The following LHFPL3 variants were observed in gnomAD, a reference collection of about 807,000 sequenced individuals.
The protein encoded by LHFPL3 is LHFPL tetraspan subfamily member 3 protein.
Under a neutral mutation model 19.3 loss-of-function variants are expected in LHFPL3, and 5 were observed. The ratio of observed to expected loss-of-function variants is 0.26; its 90% CI spans 0.14 to 0.54. LHFPL3 has a LOEUF of 0.54. LHFPL3 is among the 20% of genes least tolerant of loss of function. The probability of loss-of-function intolerance (pLI) is 0.94; values close to 1 mark genes in which losing one functional copy is unlikely to be tolerated. For synonymous variants in LHFPL3, 133 were observed against 126.2 expected, an observed-to-expected ratio of 1.05 and a Z score of -0.36; for missense variants, 249 against 307.4, an observed-to-expected ratio of 0.81 and a Z score of 1.42.
intron 1 of LHFPL3, among the ~76,000 whole-genome samples, chr7:104,482,511 A>G (rs1014352130): frequency 1.3e-5 from 2 of 152,142 alleles, no homozygotes; most frequent in South Asian, 2.1e-4. Context: ...GCTCTTCTTT[A>G]TGTTGAATCT....
At chr7:104,545,397 A>G (rs1423744381) in intron 1 of LHFPL3, among the ~76,000 whole-genome samples, 2 of 151,912 alleles carry the variant, frequency 1.3e-5, no homozygotes, top group African/African-American at 2.4e-5. Context: ...AGGTTCCTGC[A>G]CTCGTCTAGT....
chr7:104,774,273 G>A (rs1286732243), intron 2 of LHFPL3, among the ~76,000 whole-genome samples: 5 of 152,218 alleles, frequency 3.3e-5, no homozygotes, highest in African/African-American at 9.6e-5. Flanking sequence ...TATTCATAAT[G>A]ATAGCTAAAT....
intron 1 of LHFPL3, among the ~76,000 whole-genome samples, chr7:104,660,065 G>C (rs1584465985): frequency 6.7e-6 from 1 of 149,918 alleles, no homozygotes; most frequent in African/African-American, 2.5e-5. Context: ...ATAGTGGTGT[G>C]ATCTTGGCTC....
At chr7:104,352,177 AT>A (rs201233848) in intron 1 of LHFPL3, among the ~76,000 whole-genome samples, 8,872 of 151,614 alleles carry the variant, frequency 0.059, 330 homozygotes, top group Middle Eastern at 0.089. Context: ...AAAAAAAAAA[AT>A]CTCATACAAC....
At chr7:104,816,579 G>T (rs1790563499) in intron 2 of LHFPL3, among the ~76,000 whole-genome samples, 1 of 152,196 alleles carries the variant, frequency 6.6e-6, no homozygotes, top group South Asian at 2.1e-4. Flanking sequence ...ACTATCAGCA[G>T]TTGCATAAAG....
chr7:104,735,593 C>T (rs187223863), intron 1 of LHFPL3, among the ~76,000 whole-genome samples: 1 of 152,168 alleles, frequency 6.6e-6, no homozygotes, highest in Non-Finnish European at 1.5e-5. Context: ...GAGAGTGACC[C>T]GATTTTCCAG....
At chr7:104,542,139 TG>T (rs1794497185) in intron 1 of LHFPL3, among the ~76,000 whole-genome samples, 1 of 151,982 alleles carries the variant, frequency 6.6e-6, no homozygotes, top group Non-Finnish European at 1.5e-5. Context: ...AGAGTGTCAC[TG>T]GACACTGAGA....
rs948683431 is a variant in LHFPL3, at chr7:104,508,618, AT to A, written c.445+179395del. ...AAAACTTAAAGTATAATAAAAAAAAATATATATATATACACATTAGGAAAAT... is the reference window on the plus strand; with the variant it reads ...AAAACTTAAAGTATAATAAAAAAAAAATATATATATACACATTAGGAAAAT... On this transcript the variant is annotated intron_variant, in intron 1 of 2. Transcript: ENST00000424859. Among the ~76,000 whole-genome samples, 328 of 51,706 alleles carry A rather than the reference AT, an allele frequency of 6.3e-3. 1 individual carries two copies. Among genetic ancestry groups the A allele is most frequent in the Admixed American group, 0.015 (83 of 5,528 alleles). The allele number at this position is 51,706 out of a possible 152,430, so 33.9% of individuals were successfully genotyped here.
At chr7:104,882,068 G>A (rs1351393242) in intron 2 of LHFPL3, among the ~76,000 whole-genome samples, 1 of 152,096 alleles carries the variant, frequency 6.6e-6, no homozygotes, top group Non-Finnish European at 1.5e-5. Context: ...TATTGCAGTG[G>A]TCTGGAACCA....
At chr7:104,395,616 A>G (rs988983590) in intron 1 of LHFPL3, among the ~76,000 whole-genome samples, 7 of 152,164 alleles carry the variant, frequency 4.6e-5, no homozygotes, top group African/African-American at 1.7e-4. Flanking sequence ...GGTAGGAGTA[A>G]TTGTGCGACA....
intron 1 of LHFPL3, among the ~76,000 whole-genome samples, chr7:104,565,518 G>A (rs115362315): frequency 6.6e-6 from 1 of 152,138 alleles, no homozygotes; most frequent in Non-Finnish European, 1.5e-5. Context: ...AGAAGAGAAG[G>A]AATTGACAGG....
intron 1 of LHFPL3, among the ~76,000 whole-genome samples, chr7:104,637,564 G>T (rs1053952190): frequency 6.6e-6 from 1 of 152,112 alleles, no homozygotes; most frequent in Non-Finnish European, 1.5e-5. Flanking sequence ...TGCTTATGGA[G>T]TACGGAAAGA....
intron 1 of LHFPL3, among the ~76,000 whole-genome samples, chr7:104,516,222 G>A (rs1793917998): frequency 6.6e-6 from 1 of 152,044 alleles, no homozygotes; most frequent in Admixed American, 6.6e-5. Context: ...GAAGCGGGGT[G>A]GGGAAAGTGC....
chr7:104,699,858 A>G (rs1182417006), intron 1 of LHFPL3, among the ~76,000 whole-genome samples: 1 of 152,192 alleles, frequency 6.6e-6, no homozygotes, highest in Non-Finnish European at 1.5e-5. Context: ...AGCTCCGTCC[A>G]TACTGCCTCC....
intron 2 of LHFPL3, among the ~76,000 whole-genome samples, chr7:104,834,471 C>T (rs771963970): frequency 2.0e-5 from 3 of 151,976 alleles, no homozygotes; most frequent in Non-Finnish European, 4.4e-5. Context: ...TGCCTTCTGA[C>T]CTTAAATATT....
intron 1 of LHFPL3, among the ~76,000 whole-genome samples, chr7:104,440,417 G>A (rs1379817681): frequency 6.6e-6 from 1 of 151,254 alleles, no homozygotes; most frequent in African/African-American, 2.4e-5. Flanking sequence ...CCTGTCGTGG[G>A]GTGGGGGGAG....
At chr7:104,484,808 A>C (rs1041304715) in intron 1 of LHFPL3, among the ~76,000 whole-genome samples, 1 of 152,094 alleles carries the variant, frequency 6.6e-6, no homozygotes, top group Non-Finnish European at 1.5e-5. Context: ...AGGGGGCTGA[A>C]CTCATCCTTT....
At chr7:104,342,329 A>C (rs940924326) in intron 1 of LHFPL3, among the ~76,000 whole-genome samples, 2 of 152,274 alleles carry the variant, frequency 1.3e-5, no homozygotes, top group South Asian at 2.1e-4. Flanking sequence ...TGGAAATCCC[A>C]TTTCTTGGGA....
chr7:104,865,175 C>A (rs553834925), intron 2 of LHFPL3, among the ~76,000 whole-genome samples: 3 of 152,340 alleles, frequency 2.0e-5, no homozygotes, highest in African/African-American at 7.2e-5. Flanking sequence ...CGCCTCTCCT[C>A]CTCCAAAGGA....
Sources: gnomAD v4.1 joint callset for allele counts (sites outside exome capture counted in the v4.1 genomes callset) on GRCh38, gnomAD v4.1.1 for gene constraint, MANE v1.5 for transcripts, NCBI Gene and HGNC (gene_info 2026-07-23, HGNC 2026-07-21) for gene names.